The following CREB5 variants were observed in gnomAD, a reference collection of about 807,000 sequenced individuals.
CREB5 encodes the protein cyclic AMP-responsive element-binding protein 5.
Under a neutral mutation model 57.1 loss-of-function variants are expected in CREB5, and 19 were observed. The observed-to-expected ratio is 0.33, with a 90% CI of 0.23 to 0.49. The LOEUF (loss-of-function observed/expected upper bound fraction) is 0.49, where lower values mean the gene tolerates loss of function less well. Among genes scored for constraint, CREB5 ranks in the 20% least tolerant of loss-of-function variants. The pLI is 0.99. For missense variants in CREB5, 579 were observed against 671.6 expected (o/e 0.86, Z 1.52); for synonymous variants, 238 against 238.3 (o/e 1.00, Z 0.01).
At chr7:28,739,023 A>C (rs562964755) in intron 7 of CREB5, among the ~76,000 whole-genome samples, 1 of 152,356 alleles carries the variant, frequency 6.6e-6, no homozygotes, top group Non-Finnish European at 1.5e-5. Context: ...CAGGTAAATA[A>C]ATAGAAAACT....
At chr7:28,686,057 A>T (rs1370027800) in intron 5 of CREB5, 23 of 1,457,640 alleles carry the variant, frequency 1.6e-5, no homozygotes, top group South Asian at 7.0e-5. Context: ...ACATTACATC[A>T]TCGCTTGGCC....
chr7:28,536,355 A>G (rs1166668369), intron 4 of CREB5, among the ~76,000 whole-genome samples: 4 of 152,050 alleles, frequency 2.6e-5, no homozygotes, highest in East Asian at 1.9e-4. Flanking sequence ...CCACTCTATC[A>G]TGAGGTAAGG....
chr7:28,549,519 G>T (rs961492894), intron 4 of CREB5, among the ~76,000 whole-genome samples: 1 of 152,106 alleles, frequency 6.6e-6, no homozygotes, highest in Non-Finnish European at 1.5e-5. Flanking sequence ...TACACACCTC[G>T]CTGTTCTTCA....
chr7:28,379,471 T>C (rs917166210), intron 1 of CREB5, among the ~76,000 whole-genome samples: 1 of 152,248 alleles, frequency 6.6e-6, no homozygotes, highest in Non-Finnish European at 1.5e-5. Context: ...CTAATAATCA[T>C]AAACATGTTC....
chr7:28,618,587 G>T (rs570555596), intron 5 of CREB5, among the ~76,000 whole-genome samples: 1 of 152,110 alleles, frequency 6.6e-6, no homozygotes, highest in Non-Finnish European at 1.5e-5. Flanking sequence ...AATCCTGCGG[G>T]ACCAGTAGGG....
intron 5 of CREB5, among the ~76,000 whole-genome samples, chr7:28,666,017 T>C (rs1208656121): frequency 1.3e-5 from 2 of 152,182 alleles, no homozygotes; most frequent in African/African-American, 4.8e-5. Flanking sequence ...GAAAAATCTA[T>C]TTTTTGCTGT....
intron 7 of CREB5, among the ~76,000 whole-genome samples, chr7:28,772,762 A>G (rs1806397215): frequency 6.6e-6 from 1 of 152,206 alleles, no homozygotes; most frequent in Admixed American, 6.5e-5. Context: ...AGACTTGTCC[A>G]GGCTCACTCA....
At chr7:28,679,749 A>C (rs1562566914) in intron 5 of CREB5, among the ~76,000 whole-genome samples, 1 of 152,218 alleles carries the variant, frequency 6.6e-6, no homozygotes, top group Non-Finnish European at 1.5e-5. Flanking sequence ...CCAGGTCATG[A>C]GGAACACCTG....
intron 5 of CREB5, among the ~76,000 whole-genome samples, chr7:28,590,728 A>G (rs1335332411): frequency 6.6e-6 from 1 of 151,462 alleles, no homozygotes; most frequent in African/African-American, 2.4e-5. Context: ...ACTGAAATCC[A>G]AGTTACTCTG....
At chr7:28,468,704 T>C (rs1369789653) in intron 1 of CREB5, among the ~76,000 whole-genome samples, 4 of 152,262 alleles carry the variant, frequency 2.6e-5, no homozygotes, top group Admixed American at 2.0e-4. Context: ...AGCTTGTGTC[T>C]GCCTGCCTTG....
chr7:28,574,109 C>T (rs751251632), intron 5 of CREB5, among the ~76,000 whole-genome samples: 3 of 152,134 alleles, frequency 2.0e-5, no homozygotes, highest in Non-Finnish European at 4.4e-5. Flanking sequence ...GACGCTCTGC[C>T]GGGAAGAGTG....
At chr7:28,581,000 T>A (rs1031242693) in intron 5 of CREB5, among the ~76,000 whole-genome samples, 1 of 152,112 alleles carries the variant, frequency 6.6e-6, no homozygotes, top group African/African-American at 2.4e-5. Context: ...AGTCTGGAGA[T>A]GAAAGTTAAT....
chr7:28,753,086 T>A (rs1197603091), intron 7 of CREB5, among the ~76,000 whole-genome samples: 2 of 152,110 alleles, frequency 1.3e-5, no homozygotes, highest in Non-Finnish European at 2.9e-5. Flanking sequence ...AAGCCTTGAG[T>A]TCCACCTCAA....
chr7:28,797,887 G>A (rs572822051), intron 7 of CREB5, among the ~76,000 whole-genome samples: 82 of 151,952 alleles, frequency 5.4e-4, no homozygotes, highest in Non-Finnish European at 1.1e-3. Context: ...AAGGCTTTTG[G>A]TCTCAAACCA....
intron 4 of CREB5, among the ~76,000 whole-genome samples, chr7:28,517,486 A>T (rs1038041988): frequency 1.3e-5 from 2 of 152,342 alleles, no homozygotes; most frequent in Middle Eastern, 3.4e-3. Context: ...AGAACCATGC[A>T]GGGCCATTTC....
chr7:28,730,511 C>T (rs747742886), intron 7 of CREB5, among the ~76,000 whole-genome samples: 41 of 151,990 alleles, frequency 2.7e-4, no homozygotes, highest in African/African-American at 9.2e-4. Context: ...TCTTATTTTA[C>T]GAGTGAATAA....
At chr7:28,635,894 A>G (rs1327725471) in intron 5 of CREB5, among the ~76,000 whole-genome samples, 4 of 152,200 alleles carry the variant, frequency 2.6e-5, no homozygotes, top group Admixed American at 2.6e-4. Flanking sequence ...GAGCCAGGCC[A>G]TTGTTGCATG....
chr7:28,392,613 T>C (rs1045593931), intron 1 of CREB5, among the ~76,000 whole-genome samples: 5 of 152,246 alleles, frequency 3.3e-5, no homozygotes, highest in Non-Finnish European at 7.3e-5. Context: ...TAATTCACTC[T>C]TGACCTTGAC....
rs1562798119 is a variant in CREB5, at chr7:28,560,959, T to TGTGC, written c.292-9405_292-9404insTGCG. ...GTGCGTGCGTGTGTGTGCGTGTGTGTGCGTGTGTGTGTGCGTGTGTGCGTG... is the reference window on the plus strand; with the variant it reads ...GTGCGTGCGTGTGTGTGCGTGTGTGTGTGCGCGTGTGTGTGTGCGTGTGTGCGTG... On this transcript the variant is annotated intron_variant, in intron 4 of 10. Transcript: ENST00000357727. Among the ~76,000 whole-genome samples the TGTGC allele has an allele frequency of 1.9e-3, 60 of 32,136 alleles. 3 individuals carry two copies. Among genetic ancestry groups the TGTGC allele is most frequent in the East Asian group, 4.7e-3 (8 of 1,708 alleles). The allele number at this position is 32,136 out of a possible 152,430, so 21.1% of individuals were successfully genotyped here.
Sources: allele counts gnomAD v4.1 joint callset (sites outside exome capture counted in the v4.1 genomes callset), GRCh38; gene constraint gnomAD v4.1.1; transcripts MANE v1.5; gene names NCBI Gene and HGNC (gene_info 2026-07-23, HGNC 2026-07-21).